CCDC7: variants seen among roughly 807,000 people sequenced by gnomAD.
CCDC7 encodes coiled-coil domain-containing protein 7.
CCDC7 carries 183 observed loss-of-function variants against 196.9 expected under a neutral mutation model. The ratio of observed to expected loss-of-function variants is 0.93; its 90% CI spans 0.82 to 1.05. The LOEUF is 1.05. Among genes scored for constraint, CCDC7 ranks in the 50% least tolerant of loss-of-function variants. The pLI, the probability that CCDC7 is intolerant of heterozygous loss-of-function variation, is 0.00. For synonymous variants in CCDC7, 525 were observed against 484.6 expected (o/e 1.08, Z -1.10); for missense variants, 1,540 against 1,482.2 (o/e 1.04, Z -0.64).
intron 25 of CCDC7, among the ~76,000 whole-genome samples, chr10:32,724,682 G>A (rs559475241): frequency 8.5e-5 from 13 of 152,228 alleles, no homozygotes; most frequent in South Asian, 4.1e-4. Flanking sequence ...AAAGAAAATT[G>A]TCTTCAAGGC....
chr10:32,685,940 T>G (rs763628193), intron 21 of CCDC7, 30 bp from the exon 23 acceptor site: 1 of 1,256,390 alleles, frequency 8.0e-7, no homozygotes, highest in South Asian at 1.4e-5. Context: ...TTTTTCTATT[T>G]AGTGGAATAA....
chr10:32,471,371 A>C, intron 6 of CCDC7, 141 bp downstream of exon 7: 1 of 1,003,836 alleles, frequency 1.0e-6, no homozygotes, highest in South Asian at 2.0e-5. Flanking sequence ...GCTTGTTTCT[A>C]TTTGCAATTT....
intron 29 of CCDC7, among the ~76,000 whole-genome samples, chr10:32,803,795 G>C (rs1346991715): frequency 6.6e-6 from 1 of 151,930 alleles, no homozygotes; most frequent in African/African-American, 2.4e-5. Flanking sequence ...TAATTGTTTT[G>C]TATATTTTTT....
At chr10:32,468,169 C>T (rs2037228811) in intron 5 of CCDC7, among the ~76,000 whole-genome samples, 1 of 152,078 alleles carries the variant, frequency 6.6e-6, no homozygotes, top group African/African-American at 2.4e-5. Flanking sequence ...TTATAAATTG[C>T]TTTGGAAAGT....
chr10:32,629,047 C>T (rs559477970), intron 18 of CCDC7, among the ~76,000 whole-genome samples: 3 of 152,022 alleles, frequency 2.0e-5, no homozygotes, highest in African/African-American at 4.8e-5. Context: ...TCCAGTGTTT[C>T]GTTATTAATG....
At chr10:32,592,191 A>G (rs761901741) in intron 18 of CCDC7, among the ~76,000 whole-genome samples, 22 of 152,076 alleles carry the variant, frequency 1.4e-4, no homozygotes, top group Non-Finnish European at 2.1e-4. Flanking sequence ...TTATAAAATT[A>G]TAATGTTTCT....
rs561282487 is a variant in CCDC7, at chr10:32,502,064, G to A, written c.872+10067G>A. On this transcript the variant is annotated intron_variant, in intron 9 of 41. Coordinates refer to ENST00000639629, the Ensembl canonical transcript of CCDC7. ...CACCTACTCAAGCCTCAGCAATGGT[G>A]GATGCCCCTCCCCCTACCAAGGTCG... Among the ~76,000 whole-genome samples the A allele has an allele frequency of 1.3e-3, 198 of 152,222 alleles. 1 individual carries two copies. The highest frequency in any genetic ancestry group is 4.5e-3 in the African/African-American group (187 of 41,552).
At chr10:32,640,178 GTC>G (rs1564923480) in intron 20 of CCDC7, among the ~76,000 whole-genome samples, 1 of 152,108 alleles carries the variant, frequency 6.6e-6, no homozygotes, top group Non-Finnish European at 1.5e-5. Flanking sequence ...GGGAGTCTAA[GTC>G]TCTTTCTAGG....
intron 28 of CCDC7, among the ~76,000 whole-genome samples, chr10:32,754,451 A>G (rs2076107205): frequency 6.6e-6 from 1 of 152,276 alleles, no homozygotes; most frequent in Middle Eastern, 3.4e-3. Context: ...GTAATGGGTA[A>G]ATAACTTACT....
intron 11 of CCDC7, among the ~76,000 whole-genome samples, chr10:32,525,167 C>A (rs1321276227): frequency 1.3e-5 from 2 of 150,992 alleles, no homozygotes; most frequent in East Asian, 3.9e-4. Flanking sequence ...ATGGGTGCAG[C>A]AAATCAACAT....
chr10:32,567,195 G>T (rs7905323), intron 14 of CCDC7, among the ~76,000 whole-genome samples: 65,175 of 147,546 alleles, frequency 0.44, 14,916 homozygotes, highest in East Asian at 0.58. Flanking sequence ...TATTTATATA[G>T]TCTTTTATAT....
chr10:32,623,501 A>T (rs550414941), intron 18 of CCDC7, among the ~76,000 whole-genome samples: 35 of 152,106 alleles, frequency 2.3e-4, no homozygotes, highest in Non-Finnish European at 3.8e-4. Flanking sequence ...ATTATCTATC[A>T]TTGCACAAAT....
chr10:32,483,955 C>T (rs922491023), intron 8 of CCDC7, among the ~76,000 whole-genome samples: 1 of 152,144 alleles, frequency 6.6e-6, no homozygotes, highest in African/African-American at 2.4e-5. Context: ...GTTCTTTTGA[C>T]TTAGGATTGA....
rs557442081 is a variant in CCDC7 at position 32,563,781 on chromosome 10, A to C, written c.1135-1777A>C. 8.4e-3 allele frequency among the ~76,000 whole-genome samples: 1,277 copies of C among 152,286 alleles called. 28 individuals are homozygous for C. The highest frequency in any genetic ancestry group is 0.028 in the African/African-American group (1,176 of 41,556). ...TAAAACACCAAAAGCAATGGCAACA[A>C]AAGCCAAAATTGACAAATGGGATCT... On this transcript the variant is annotated intron_variant, in intron 13 of 41. Coordinates refer to ENST00000639629, the Ensembl canonical transcript of CCDC7.
At chr10:32,452,010 T>A (rs999989953) in intron 1 of CCDC7, 89 bp downstream of exon 2, 2 of 1,451,240 alleles carry the variant, frequency 1.4e-6, no homozygotes, top group African/African-American at 2.9e-5. Context: ...TGACTCCACA[T>A]ATAGTCATAC....
intron 30 of CCDC7, among the ~76,000 whole-genome samples, chr10:32,812,793 G>C (rs2087451852): frequency 6.6e-6 from 1 of 151,962 alleles, no homozygotes; most frequent in Non-Finnish European, 1.5e-5. Context: ...TTTTTTCCCT[G>C]ATTGTGTAAG....
chr10:32,491,459 C>T (rs2042140294), intron 8 of CCDC7, among the ~76,000 whole-genome samples: 2 of 152,102 alleles, frequency 1.3e-5, no homozygotes, highest in African/African-American at 4.8e-5. Context: ...AGTTGTAAAG[C>T]TTAACAGGTT....
At chr10:32,660,459 C>A (rs1193218801) in intron 20 of CCDC7, among the ~76,000 whole-genome samples, 11 of 131,040 alleles carry the variant, frequency 8.4e-5, no homozygotes, top group Non-Finnish European at 9.7e-5. Flanking sequence ...ATGAACTCAT[C>A]ATTTTTTATG....
At chr10:32,723,284 T>A (rs887956464) in intron 25 of CCDC7, among the ~76,000 whole-genome samples, 10 of 152,156 alleles carry the variant, frequency 6.6e-5, no homozygotes, top group African/African-American at 2.4e-4. Context: ...GTTGTTGCTA[T>A]CTGTGCAGCA....
Sources: allele counts gnomAD v4.1 joint callset (sites outside exome capture counted in the v4.1 genomes callset), GRCh38; gene constraint gnomAD v4.1.1; transcripts MANE v1.5; gene names NCBI Gene and HGNC (gene_info 2026-07-23, HGNC 2026-07-21).